Variants in DAB1 observed in about 807,000 individuals in gnomAD.
DAB1 encodes DAB adaptor protein 1, also known as disabled homolog 1.
Under a neutral mutation model 64.6 loss-of-function variants are expected in DAB1, and 15 were observed. The observed-to-expected ratio is 0.23, with a 90% CI of 0.16 to 0.36. DAB1 has a LOEUF of 0.36. DAB1 is among the 10% of genes least tolerant of loss of function. DAB1 has a pLI of 1.00. For synonymous variants in DAB1, 235 were observed against 251.9 expected, an observed-to-expected ratio of 0.93 and a Z score of 0.64; for missense variants, 596 against 706.7, an observed-to-expected ratio of 0.84 and a Z score of 1.78.
intron 7 of DAB1, among the ~76,000 whole-genome samples, chr1:57,582,948 A>T (rs1645331110): frequency 6.6e-6 from 1 of 152,356 alleles, no homozygotes; most frequent in East Asian, 1.9e-4. Context: ...AAAGACTTCC[A>T]GTTCTGATGA....
At chr1:57,720,828 A>T (rs1464504755) in intron 6 of DAB1, among the ~76,000 whole-genome samples, 1 of 152,062 alleles carries the variant, frequency 6.6e-6, no homozygotes, top group Non-Finnish European at 1.5e-5. Flanking sequence ...TGGTTTGTCT[A>T]TAGAGGTTTT....
chr1:57,652,397 T>C (rs1220662740), intron 6 of DAB1, among the ~76,000 whole-genome samples: 2 of 152,048 alleles, frequency 1.3e-5, no homozygotes, highest in Admixed American at 6.6e-5. Context: ...AAACTACCTT[T>C]GAAAAATCCT....
intron 1 of DAB1, among the ~76,000 whole-genome samples, chr1:57,368,737 T>C (rs922556432): frequency 3.3e-5 from 5 of 152,132 alleles, no homozygotes; most frequent in Non-Finnish European, 7.4e-5. Context: ...TCCACTTGTC[T>C]GTATACCTCA....
intron 2 of DAB1, among the ~76,000 whole-genome samples, chr1:57,287,778 TTTTATTTA>T (rs10647426): frequency 2.4e-3 from 342 of 144,142 alleles, no homozygotes; most frequent in Middle Eastern, 7.2e-3. Flanking sequence ...TTTCTCTCTC[TTTTATTTA>T]TTTATTTATT....
intron 6 of DAB1, among the ~76,000 whole-genome samples, chr1:57,732,285 G>A (rs1224994524): frequency 1.3e-5 from 2 of 152,174 alleles, no homozygotes; most frequent in Non-Finnish European, 2.9e-5. Flanking sequence ...GGCAAGTGTG[G>A]TAAAGGAAAG....
At chr1:57,081,577 T>C (rs898905750) in intron 4 of DAB1, among the ~76,000 whole-genome samples, 1 of 150,438 alleles carries the variant, frequency 6.6e-6, no homozygotes, top group Non-Finnish European at 1.5e-5. Flanking sequence ...GTTACATAAA[T>C]AAATTCCTTT....
At chr1:57,149,990 C>T (rs758460446) in intron 2 of DAB1, among the ~76,000 whole-genome samples, 40 of 152,146 alleles carry the variant, frequency 2.6e-4, no homozygotes, top group Non-Finnish European at 2.5e-4. Context: ...AGTTACTTCT[C>T]ATCCTGTCCT....
At chr1:58,221,621 A>G (rs992603319) in intron 4 of DAB1, among the ~76,000 whole-genome samples, 1 of 152,126 alleles carries the variant, frequency 6.6e-6, no homozygotes, top group African/African-American at 2.4e-5. Flanking sequence ...ACTTCTCTGA[A>G]CCTCTCACTT....
At chr1:58,445,614 T>C (rs1645056545) in intron 3 of DAB1, among the ~76,000 whole-genome samples, 1 of 152,230 alleles carries the variant, frequency 6.6e-6, no homozygotes. Flanking sequence ...AAACGCTTCT[T>C]GCTGGAGGAT....
At chr1:57,264,265 A>G (rs1422660357) in intron 2 of DAB1, among the ~76,000 whole-genome samples, 1 of 152,232 alleles carries the variant, frequency 6.6e-6, no homozygotes, top group Admixed American at 6.5e-5. Flanking sequence ...CTAGGCATTT[A>G]GACTCCTCAA....
At chr1:58,193,063 C>T (rs114458981) in intron 4 of DAB1, among the ~76,000 whole-genome samples, 7,806 of 152,160 alleles carry the variant, frequency 0.051, 239 homozygotes, top group Admixed American at 0.079. Flanking sequence ...GTTTTCCCCA[C>T]CAAATCTCAT....
intron 4 of DAB1, among the ~76,000 whole-genome samples, chr1:57,126,623 C>T (rs1184265225): frequency 1.3e-5 from 2 of 152,218 alleles, no homozygotes; most frequent in Non-Finnish European, 2.9e-5. Flanking sequence ...CAAGCTCTTA[C>T]AGCAAGATCT....
At chr1:57,739,253 A>G (rs111662394) in intron 6 of DAB1, among the ~76,000 whole-genome samples, 2,449 of 152,162 alleles carry the variant, frequency 0.016, 80 homozygotes, top group African/African-American at 0.056. Context: ...CCAGGCAGAC[A>G]AGTTCAGAAC....
chr1:57,197,268 C>G (rs1263729249), intron 2 of DAB1, among the ~76,000 whole-genome samples: 1 of 150,856 alleles, frequency 6.6e-6, no homozygotes, highest in African/African-American at 2.4e-5. Context: ...CGCTTGAACC[C>G]AGGAGGTAGA....
chr1:57,589,108 C>T (rs1645413046), intron 7 of DAB1, among the ~76,000 whole-genome samples: 1 of 152,078 alleles, frequency 6.6e-6, no homozygotes, highest in Admixed American at 6.5e-5. Flanking sequence ...CCTGTAATCC[C>T]AGCTATAGGC....
intron 1 of DAB1, among the ~76,000 whole-genome samples, chr1:57,330,344 T>G (rs1676549887): frequency 6.6e-6 from 1 of 152,174 alleles, no homozygotes; most frequent in Non-Finnish European, 1.5e-5. Context: ...ACTAGGGTGG[T>G]GCAGATGTGT....
chr1:57,000,568 G>A (rs1645820456), intron 14 of DAB1, among the ~76,000 whole-genome samples: 1 of 152,050 alleles, frequency 6.6e-6, no homozygotes, highest in African/African-American at 2.4e-5. Context: ...CCAGTCTCTT[G>A]AACTATTTCA....
At chr1:58,058,169 T>A (rs887863470) in intron 5 of DAB1, among the ~76,000 whole-genome samples, 3 of 152,170 alleles carry the variant, frequency 2.0e-5, no homozygotes, top group Non-Finnish European at 1.5e-5. Flanking sequence ...TATGTGTTAA[T>A]GCTGACTAGT....
intron 7 of DAB1, among the ~76,000 whole-genome samples, chr1:57,647,815 A>T (rs1050291753): frequency 6.6e-6 from 1 of 152,202 alleles, no homozygotes; most frequent in African/African-American, 2.4e-5. Context: ...GACTATGGTG[A>T]CTTGGATAGG....
Sources: allele counts gnomAD v4.1 joint callset (sites outside exome capture counted in the v4.1 genomes callset), GRCh38; gene constraint gnomAD v4.1.1; transcripts MANE v1.5; gene names NCBI Gene and HGNC (gene_info 2026-07-23, HGNC 2026-07-21).